Variants in ZNF385D observed in about 807,000 individuals in gnomAD.
The protein encoded by ZNF385D is zinc finger protein 659.
In ZNF385D, 15 loss-of-function variants were observed where a neutral mutation model predicts 35.8. The observed-to-expected ratio is 0.42, with a 90% CI of 0.28 to 0.64. The LOEUF is 0.64. ZNF385D is among the 30% of genes least tolerant of loss of function. The pLI is 0.23. For missense variants in ZNF385D, 474 were observed against 494.6 expected (o/e 0.96, Z 0.39); for synonymous variants, 212 against 186.8 (o/e 1.13, Z -1.10).
chr3:22,253,324 A>G lies in ZNF385D; in HGVS notation c.107-84289T>C, dbSNP rs544049312. Among the ~76,000 whole-genome samples, 20 of 152,174 alleles carry G rather than the reference A, an allele frequency of 1.3e-4. No individual in the cohort carries two copies. The South Asian group carries it at 2.5e-3, about 19-fold the overall frequency. On this transcript the variant is annotated intron_variant, in intron 2 of 5. Coordinates refer to the ZNF385D transcript ENST00000494108. Reference sequence around the variant, plus strand: ...TAAGAAATAGACTGTAATTGAAACCATAAGGTTAGTTGCATCAAGAAAGCA... The same window carrying G: ...TAAGAAATAGACTGTAATTGAAACCGTAAGGTTAGTTGCATCAAGAAAGCA...
At chr3:22,011,772 T>C (rs1166461410) in intron 3 of ZNF385D, among the ~76,000 whole-genome samples, 1 of 152,106 alleles carries the variant, frequency 6.6e-6, no homozygotes, top group African/African-American at 2.4e-5. Flanking sequence ...AGATACATAG[T>C]GAAATTGTAT....
intron 2 of ZNF385D, among the ~76,000 whole-genome samples, chr3:22,265,619 C>G (rs1237555997): frequency 6.6e-6 from 1 of 151,902 alleles, no homozygotes; most frequent in Non-Finnish European, 1.5e-5. Context: ...GACTATGACA[C>G]AAGGTCTATG....
At chr3:22,156,476 A>C (rs2125730605) in intron 3 of ZNF385D, among the ~76,000 whole-genome samples, 1 of 152,192 alleles carries the variant, frequency 6.6e-6, no homozygotes, top group South Asian at 2.1e-4. Flanking sequence ...AGGTTTAGAG[A>C]GAGAGAGAAC....
At chr3:22,044,966 T>C (rs950312422) in intron 3 of ZNF385D, among the ~76,000 whole-genome samples, 8 of 152,072 alleles carry the variant, frequency 5.3e-5, no homozygotes, top group African/African-American at 1.9e-4. Context: ...TGAGCTGAGA[T>C]TGTGCCACTG....
intron 2 of ZNF385D, among the ~76,000 whole-genome samples, chr3:22,276,012 G>T (rs1205491590): frequency 6.6e-6 from 1 of 152,126 alleles, no homozygotes; most frequent in Non-Finnish European, 1.5e-5. Context: ...TTGAACCCAG[G>T]AAGTGGAGGT....
At chr3:21,694,597 A>G (rs985330387) in intron 1 of ZNF385D, among the ~76,000 whole-genome samples, 1 of 152,160 alleles carries the variant, frequency 6.6e-6, no homozygotes, top group African/African-American at 2.4e-5. Flanking sequence ...CGGAAAACAA[A>G]GAGAAATCAG....
chr3:22,363,404 C>G (rs1285887039), intron 2 of ZNF385D, among the ~76,000 whole-genome samples: 4 of 152,136 alleles, frequency 2.6e-5, no homozygotes, highest in South Asian at 4.1e-4. Context: ...GTGGCCCCCT[C>G]ATCATTCTAG....
intron 3 of ZNF385D, among the ~76,000 whole-genome samples, chr3:21,973,047 T>A (rs775615473): frequency 6.6e-6 from 1 of 151,958 alleles, no homozygotes; most frequent in South Asian, 2.1e-4. Flanking sequence ...GGAGAGGGAA[T>A]ACTTCCAAAC....
chr3:21,900,172 T>A (rs1390626188), intron 3 of ZNF385D, among the ~76,000 whole-genome samples: 1 of 152,176 alleles, frequency 6.6e-6, no homozygotes, highest in Non-Finnish European at 1.5e-5. Flanking sequence ...ATACTTTCTA[T>A]GTTTCAACAA....
chr3:22,169,386 AC>A, intron 2 of ZNF385D, among the ~76,000 whole-genome samples: 1 of 152,358 alleles, frequency 6.6e-6, no homozygotes, highest in South Asian at 2.1e-4. Context: ...CACACAGCTA[AC>A]AAGTGGTATA....
chr3:22,184,038 G>A (rs1165308114), intron 2 of ZNF385D, among the ~76,000 whole-genome samples: 1 of 152,008 alleles, frequency 6.6e-6, no homozygotes, highest in African/African-American at 2.4e-5. Context: ...CCAATTCTCT[G>A]GTGAATTCAA....
At chr3:22,070,371 G>A (rs74920823) in intron 3 of ZNF385D, among the ~76,000 whole-genome samples, 7,174 of 152,044 alleles carry the variant, frequency 0.047, 503 homozygotes, top group African/African-American at 0.16. Context: ...GAAGTAACCC[G>A]CTTTCAAGAA....
intron 2 of ZNF385D, among the ~76,000 whole-genome samples, chr3:22,254,316 T>A (rs190700146): frequency 6.6e-6 from 1 of 152,014 alleles, no homozygotes. Flanking sequence ...CTGACAAATA[T>A]GTATGTATAT....
rs1704642097 is a variant in ZNF385D, at chr3:22,143,278, G to C, written c.325+25539C>G. 2.6e-5 allele frequency among the ~76,000 whole-genome samples: 4 copies of C among 152,084 alleles called. No individual in the cohort carries two copies. The South Asian group carries it at 8.3e-4, about 32-fold the overall frequency. ...TTTTGTTTGTTTTAGTAGAGACGGG[G>C]TTTCACCGTGTTAGCCAGGATGGTC... is the stretch of plus-strand genomic sequence containing the variant. On this transcript the variant is annotated intron_variant, in intron 3 of 5. Coordinates refer to the ZNF385D transcript ENST00000494108.
intron 3 of ZNF385D, among the ~76,000 whole-genome samples, chr3:21,865,003 T>TTTTTTC (rs1553687694): frequency 1.3e-5 from 2 of 148,354 alleles, no homozygotes; most frequent in African/African-American, 5.0e-5. Context: ...TTTTTTTTTT[T>TTTTTTC]CTTCCACTTT....
At chr3:21,867,808 A>G (rs1479980335) in intron 3 of ZNF385D, among the ~76,000 whole-genome samples, 1 of 152,102 alleles carries the variant, frequency 6.6e-6, no homozygotes, top group Non-Finnish European at 1.5e-5. Flanking sequence ...GAGCTGTCCA[A>G]CAAAGCATTC....
chr3:22,214,597 C>A (rs1300355684), intron 2 of ZNF385D, among the ~76,000 whole-genome samples: 1 of 151,932 alleles, frequency 6.6e-6, no homozygotes, highest in Non-Finnish European at 1.5e-5. Context: ...TGAAGGTAGA[C>A]CTCTAAAATG....
At chr3:21,782,215 C>T (rs2071517895) in intron 3 of ZNF385D, among the ~76,000 whole-genome samples, 1 of 151,988 alleles carries the variant, frequency 6.6e-6, no homozygotes, top group African/African-American at 2.4e-5. Context: ...ATTCAGTTGC[C>T]CCAGCAAGGA....
chr3:21,836,752 A>G (rs1252534569), intron 3 of ZNF385D, among the ~76,000 whole-genome samples: 1 of 152,132 alleles, frequency 6.6e-6, no homozygotes, highest in Non-Finnish European at 1.5e-5. Context: ...ATAAAATATT[A>G]TTTTTATTTT....
Sources: gnomAD v4.1 joint callset for allele counts (sites outside exome capture counted in the v4.1 genomes callset) on GRCh38, gnomAD v4.1.1 for gene constraint, MANE v1.5 for transcripts, NCBI Gene and HGNC (gene_info 2026-07-23, HGNC 2026-07-21) for gene names.